The following CCDC148 variants were observed in gnomAD, a reference collection of about 807,000 sequenced individuals.
CCDC148 encodes coiled-coil domain-containing protein 148.
A neutral mutation model predicts 85.7 loss-of-function variants in CCDC148; 89 were observed. The ratio of observed to expected loss-of-function variants is 1.04; its 90% CI spans 0.87 to 1.24. The LOEUF is 1.24. Among genes scored for constraint, CCDC148 ranks in the 50% most tolerant of loss-of-function variants. The pLI is 0.00. For synonymous variants in CCDC148, 230 were observed against 213.9 expected (o/e 1.08, Z -0.66); for missense variants, 692 against 671.7 (o/e 1.03, Z -0.33).
At chr2:158,333,826 C>G (rs1693277463) in intron 7 of CCDC148, among the ~76,000 whole-genome samples, 1 of 151,988 alleles carries the variant, frequency 6.6e-6, no homozygotes, top group African/African-American at 2.4e-5. Flanking sequence ...ATCACACAAT[C>G]TTGATTATGG....
At chr2:158,228,043 T>G (rs1301817673) in intron 10 of CCDC148, among the ~76,000 whole-genome samples, 1 of 151,960 alleles carries the variant, frequency 6.6e-6, no homozygotes, top group Non-Finnish European at 1.5e-5. Flanking sequence ...GGAGAAAAAT[T>G]TTGCAATCTA....
chr2:158,295,059 T>A (rs546141475), intron 9 of CCDC148, among the ~76,000 whole-genome samples: 1 of 152,290 alleles, frequency 6.6e-6, no homozygotes, highest in South Asian at 2.1e-4. Context: ...ATATCTTCCT[T>A]GGTGAAGTGA....
chr2:158,225,146 G>T (rs1465486832), intron 10 of CCDC148, among the ~76,000 whole-genome samples: 1 of 152,128 alleles, frequency 6.6e-6, no homozygotes, highest in African/African-American at 2.4e-5. Flanking sequence ...ACAGGCAGGG[G>T]TTGCAATCCT....
intron 10 of CCDC148, among the ~76,000 whole-genome samples, chr2:158,242,753 G>A (rs1386591238): frequency 1.3e-5 from 2 of 151,586 alleles, no homozygotes; most frequent in East Asian, 1.9e-4. Context: ...AGGTCTTAAT[G>A]AGGTTGTTAG....
chr2:158,224,969 T>C (rs1369619335), intron 10 of CCDC148, among the ~76,000 whole-genome samples: 1 of 152,162 alleles, frequency 6.6e-6, no homozygotes, highest in Admixed American at 6.5e-5. Context: ...ACCTTAAATG[T>C]AAATGGGCTA....
chr2:158,230,177 T>TA (rs1165864273), intron 10 of CCDC148, among the ~76,000 whole-genome samples: 1 of 151,976 alleles, frequency 6.6e-6, no homozygotes, highest in African/African-American at 2.4e-5. Flanking sequence ...AACTGGTACT[T>TA]AAAAAAAATA....
intron 2 of CCDC148, among the ~76,000 whole-genome samples, chr2:158,354,305 G>T (rs12465516): frequency 6.6e-6 from 1 of 151,470 alleles, no homozygotes; most frequent in South Asian, 2.1e-4. Flanking sequence ...TTTTTGAAAG[G>T]ATCAACAAAA....
At chr2:158,283,542 C>T (rs1403561769) in intron 9 of CCDC148, among the ~76,000 whole-genome samples, 2 of 152,156 alleles carry the variant, frequency 1.3e-5, no homozygotes, top group Non-Finnish European at 2.9e-5. Context: ...TCATCACTGG[C>T]CATCAGAGAA....
intron 9 of CCDC148, among the ~76,000 whole-genome samples, chr2:158,294,104 C>A (rs1250866410): frequency 6.7e-6 from 1 of 149,438 alleles, no homozygotes; most frequent in Non-Finnish European, 1.5e-5. Flanking sequence ...CCGCCAAGTC[C>A]TCTGCAAAGA....
chr2:158,177,978 G>C (rs1684679652), intron 12 of CCDC148: 1 of 152,060 alleles, frequency 6.6e-6, no homozygotes. Context: ...ATTTAGAAGA[G>C]GGCTTTACAC....
chr2:158,203,811 AG>A (rs1686091897), intron 11 of CCDC148, among the ~76,000 whole-genome samples: 2 of 152,248 alleles, frequency 1.3e-5, no homozygotes, highest in African/African-American at 4.8e-5. Flanking sequence ...TATGAAATGT[AG>A]GAACACTTAG....
intron 1 of CCDC148, chr2:158,365,906 G>C: frequency 2.7e-6 from 2 of 732,896 alleles, no homozygotes; most frequent in Admixed American, 3.1e-5. Context: ...CAGAAAGTGA[G>C]CTTTCCATTA....
At position 158,345,255 on chromosome 2, in the gene CCDC148, G is replaced by C. The variant is rs781571700; in HGVS notation, c.211C>G (p.Gln71Glu). The stretch of plus-strand genomic sequence containing the variant: ...CTCTGGTATTCCTGCCACCACACTT[G>C]CTTGTGTTGTTTTATTAGTGTTTGT... ...KEQTLIKQHK[Q>E]VWWQEYQRLN... Residue 71 changes from glutamine (Q) to glutamate (E), a missense_variant, in exon 3 of 14, where the codon CAA (glutamine) becomes GAA (glutamate). Coordinates refer to ENST00000283233, the MANE Select transcript of CCDC148 (RefSeq NM_138803.4). 2 of 1,613,446 alleles carry C rather than the reference G, an allele frequency of 1.2e-6. No homozygotes were observed. The highest frequency in any genetic ancestry group is 1.7e-6 in the Non-Finnish European group (2 of 1,179,672).
At chr2:158,184,124 G>T (rs1685040962) in intron 11 of CCDC148, among the ~76,000 whole-genome samples, 1 of 152,122 alleles carries the variant, frequency 6.6e-6, no homozygotes, top group African/African-American at 2.4e-5. Flanking sequence ...AAGGGCATAA[G>T]CAAAGACCAA....
chr2:158,456,404 T>C lies in CCDC148; in HGVS notation c.25+11A>G, dbSNP rs774342693. 6.2e-7 allele frequency: 1 copy of C among 1,611,186 alleles called. No homozygotes were observed. Among genetic ancestry groups the C allele is most frequent in the Non-Finnish European group, 8.5e-7 (1 of 1,178,860 alleles). On this transcript the variant is annotated intron_variant, in intron 1 of 13. Coordinates refer to ENST00000283233, the MANE Select transcript of CCDC148 (RefSeq NM_138803.4). ...GGAAGCAGCGATGGAAGGGATGGGGTGCAAACTCACCTGGAGAAGCAGAAG... is the reference window on the plus strand; with the variant it reads ...GGAAGCAGCGATGGAAGGGATGGGGCGCAAACTCACCTGGAGAAGCAGAAG...
rs536009937 is a variant in CCDC148 at position 158,282,169 on chromosome 2, T to C, written c.1110+27264A>G. Among the ~76,000 whole-genome samples, 265 of 152,112 alleles carry C rather than the reference T, an allele frequency of 1.7e-3. 1 individual carries two copies. The highest frequency in any genetic ancestry group is 3.5e-3 in the Non-Finnish European group (237 of 68,002). ...ATCTATGACAAACCCACAGTCAATA[T>C]CATACTGAATGGGCAAAAACTGGAA... is the stretch of plus-strand genomic sequence containing the variant. On this transcript the variant is annotated intron_variant, in intron 9 of 13. Coordinates refer to ENST00000283233, the MANE Select transcript of CCDC148 (RefSeq NM_138803.4).
In CCDC148 at chr2:158,423,331, T is replaced by C. The variant is rs533912924; in HGVS notation, c.25+33084A>G. Among the ~76,000 whole-genome samples, 7 of 152,248 alleles carry C rather than the reference T, an allele frequency of 4.6e-5. No homozygotes were observed. In the East Asian group the frequency reaches 1.2e-3, roughly 25 times the overall value. On this transcript the variant is annotated intron_variant, in intron 1 of 13. Transcript: ENST00000283233. ...CATCATGCTACCTGACTTCAAACTA[T>C]ACTACAAGGCTACAGTAACCAAAAC...
At chr2:158,348,437 CA>C (rs11292736) in intron 2 of CCDC148, among the ~76,000 whole-genome samples, 27,191 of 143,164 alleles carry the variant, frequency 0.19, 3,070 homozygotes, top group Middle Eastern at 0.27. Context: ...AGCAAATCTA[CA>C]AAAAAAAAAA....
At chr2:158,275,661 G>A (rs190580252) in intron 9 of CCDC148, among the ~76,000 whole-genome samples, 1 of 151,840 alleles carries the variant, frequency 6.6e-6, no homozygotes, top group Admixed American at 6.6e-5. Context: ...GGTGACAGCT[G>A]GAAGTCAGAG....
Sources: allele counts gnomAD v4.1 joint callset (sites outside exome capture counted in the v4.1 genomes callset), GRCh38; gene constraint gnomAD v4.1.1; transcripts MANE v1.5; gene names NCBI Gene and HGNC (gene_info 2026-07-23, HGNC 2026-07-21).